Variants in ST7L observed in about 807,000 individuals in gnomAD.
ST7L encodes the protein suppression of tumorigenicity 7 like.
In ST7L, 57 loss-of-function variants were observed where a neutral mutation model predicts 72.5. The observed-to-expected ratio is 0.79, with a 90% CI of 0.64 to 0.98. ST7L has a LOEUF of 0.98. Among genes scored for constraint, ST7L ranks in the 50% least tolerant of loss-of-function variants. The pLI is 0.00. For missense variants in ST7L, 576 were observed against 672.2 expected, an observed-to-expected ratio of 0.86 and a Z score of 1.58; for synonymous variants, 221 against 240.9, an observed-to-expected ratio of 0.92 and a Z score of 0.77.
chr1:112,617,975 A>G, intron 1 of ST7L: 4 of 1,303,550 alleles, frequency 3.1e-6, no homozygotes, highest in Non-Finnish European at 4.0e-6. Context: ...TATCCTCCAA[A>G]AAAACCAAAA....
chr1:112,526,631 C>T (rs1653453988), intron 14 of ST7L: 1 of 152,512 alleles, frequency 6.6e-6, no homozygotes, highest in African/African-American at 2.4e-5. Context: ...GTCCCAGCTA[C>T]TGGGGAGGCT....
intron 12 of ST7L, among the ~76,000 whole-genome samples, chr1:112,554,841 ATT>A (rs1485104605): frequency 6.6e-6 from 1 of 152,192 alleles, no homozygotes; most frequent in Non-Finnish European, 1.5e-5. Flanking sequence ...ATATAAATGA[ATT>A]TTGAAGATAT....
At chr1:112,600,967 T>C (rs895790877) in intron 3 of ST7L, 119 bp from the exon 4 acceptor site, 12 of 767,520 alleles carry the variant, frequency 1.6e-5, no homozygotes, top group Non-Finnish European at 2.5e-5. Context: ...GGTACAAAGA[T>C]GAATAAAGCA....
chr1:112,542,315 G>A lies in ST7L; in HGVS notation c.1490-225C>T, dbSNP rs575183996. 5.3e-5 allele frequency among the ~76,000 whole-genome samples: 8 copies of A among 152,260 alleles called. No homozygotes were observed. In the South Asian group the frequency reaches 8.3e-4, roughly 16 times the overall value. Reference sequence around the variant, plus strand: ...GTGCTGGGTGTGGGAACAGGATGGCGTCATGGGAAAGAATATTGATTACAA... The same window carrying A: ...GTGCTGGGTGTGGGAACAGGATGGCATCATGGGAAAGAATATTGATTACAA... On this transcript the variant is annotated intron_variant, in intron 13 of 14. Coordinates refer to ENST00000358039, the MANE Select transcript of ST7L (RefSeq NM_017744.5).
At chr1:112,590,763 A>G (rs1460622121) in intron 6 of ST7L, among the ~76,000 whole-genome samples, 1 of 152,194 alleles carries the variant, frequency 6.6e-6, no homozygotes, top group Non-Finnish European at 1.5e-5. Flanking sequence ...TGCTGCTAAC[A>G]TGGAAAAAAA....
chr1:112,600,875 A>T (rs771394721), intron 3 of ST7L, 27 bp from the exon 4 acceptor site: 21 of 1,587,226 alleles, frequency 1.3e-5, no homozygotes, highest in Non-Finnish European at 1.6e-5. Flanking sequence ...AAAAAGGGGG[A>T]AAAAGAGACA....
chr1:112,619,241 C>T, upstream of ST7L: 2 of 863,012 alleles, frequency 2.3e-6, no homozygotes, highest in Non-Finnish European at 3.5e-6. Flanking sequence ...GAACCGGGAC[C>T]GAGAAGATTT....
intron 14 of ST7L, chr1:112,539,933 A>G: frequency 1.0e-6 from 1 of 985,402 alleles, no homozygotes; most frequent in Non-Finnish European, 1.2e-6. Flanking sequence ...ATGCTTGTTT[A>G]TTATCCATCA....
intron 3 of ST7L, among the ~76,000 whole-genome samples, chr1:112,604,682 T>A (rs1194076824): frequency 6.8e-6 from 1 of 146,514 alleles, no homozygotes; most frequent in African/African-American, 2.5e-5. Context: ...ATGCCTGTAA[T>A]CCCAGCTACT....
chr1:112,611,778 C>T (rs7546094), intron 2 of ST7L, among the ~76,000 whole-genome samples: 76,239 of 151,664 alleles, frequency 0.5, 19,592 homozygotes, highest in East Asian at 0.65. Flanking sequence ...CTGGACAAAA[C>T]AGTGAGACCT....
At chr1:112,590,863 C>A (rs1665591674) in intron 6 of ST7L, among the ~76,000 whole-genome samples, 1 of 150,954 alleles carries the variant, frequency 6.6e-6, no homozygotes, top group African/African-American at 2.4e-5. Context: ...AGATTGAATG[C>A]TTTAAGTGAA....
Position 112,555,944 on chromosome 1 carries a change from G to A in ST7L, c.1320C>T (p.Ala440=), listed in dbSNP as rs1014386687. 5.6e-6 allele frequency: 9 copies of A among 1,612,310 alleles called. No individual in the cohort carries two copies. The Admixed American group carries it at 1.5e-4, about 27-fold the overall frequency. Residue 440 remains alanine (A), a synonymous_variant, in exon 12 of 15, where the codon GCC becomes GCT. Coordinates refer to ENST00000358039, the MANE Select transcript of ST7L (RefSeq NM_017744.5). ...AGTGCTGAAGATGAAAGAAAGCATA[G>A]GCAATTGCTTCACTATCACCCCGTT... ...ILKRGDSEAI[A]YAFFHLQHWK...
At chr1:112,570,610 T>C (rs1661945818) in intron 11 of ST7L, 2 of 345,616 alleles carry the variant, frequency 5.8e-6, no homozygotes, top group Middle Eastern at 3.8e-4. Flanking sequence ...GTTCCTTAGG[T>C]TGAATAAGTT....
chr1:112,560,361 T>C (rs1445957442), intron 11 of ST7L, among the ~76,000 whole-genome samples: 1 of 152,070 alleles, frequency 6.6e-6, no homozygotes, highest in African/African-American at 2.4e-5. Context: ...GCCACTGCAC[T>C]CCAGCCTGGA....
chr1:112,578,795 A>G (rs185406957), intron 9 of ST7L, among the ~76,000 whole-genome samples: 76 of 152,270 alleles, frequency 5.0e-4, no homozygotes, highest in African/African-American at 1.8e-3. Flanking sequence ...AAAACAAAAC[A>G]AAACAAAAAA....
At chr1:112,532,469 C>T (rs1398352086) in intron 14 of ST7L, among the ~76,000 whole-genome samples, 1 of 152,210 alleles carries the variant, frequency 6.6e-6, no homozygotes, top group African/African-American at 2.4e-5. Context: ...CGAGAGCTGG[C>T]ATGTTCCTAA....
intron 11 of ST7L, among the ~76,000 whole-genome samples, chr1:112,561,732 G>A (rs1660185155): frequency 6.6e-6 from 1 of 151,904 alleles, no homozygotes; most frequent in African/African-American, 2.4e-5. Context: ...TATCTGCCTT[G>A]GCCTCCCAAA....
intron 4 of ST7L, 58 bp from the exon 5 acceptor site, chr1:112,598,144 T>C: frequency 8.3e-7 from 1 of 1,199,432 alleles, no homozygotes; most frequent in Non-Finnish European, 1.2e-6. Context: ...CTATCTGCTA[T>C]AACAGACACT....
chr1:112,542,117 A>G lies in ST7L; in HGVS notation c.1490-27T>C, dbSNP rs766654690. On this transcript the variant is annotated intron_variant, in intron 13 of 14. Transcript: ENST00000358039. ...TGCAATGGAGAATAGGTAAGAATCA[A>G]TTTTATTTCAGAATAACATGTAAAC... 1.8e-4 allele frequency: 276 copies of G among 1,555,866 alleles called. 2 individuals are homozygous for G. Among genetic ancestry groups the G allele is most frequent in the African/African-American group, 1.9e-4 (14 of 72,304 alleles).
Sources: gnomAD v4.1 joint callset for allele counts (sites outside exome capture counted in the v4.1 genomes callset) on GRCh38, gnomAD v4.1.1 for gene constraint, MANE v1.5 for transcripts, NCBI Gene and HGNC (gene_info 2026-07-23, HGNC 2026-07-21) for gene names.